MTUS2: variants seen among roughly 807,000 people sequenced by gnomAD.
MTUS2 encodes the protein microtubule-associated tumor suppressor candidate 2.
In MTUS2, 40 loss-of-function variants were observed where a neutral mutation model predicts 114.1. That is an observed-to-expected ratio of 0.35 (90% CI 0.27 to 0.46). The LOEUF (loss-of-function observed/expected upper bound fraction) is 0.46, where lower values mean the gene tolerates loss of function less well. MTUS2 is among the 20% of genes least tolerant of loss of function. MTUS2 has a pLI of 1.00. For missense variants in MTUS2, 1,679 were observed against 1,705.4 expected, an observed-to-expected ratio of 0.98 and a Z score of 0.27; for synonymous variants, 688 against 672.0, an observed-to-expected ratio of 1.02 and a Z score of -0.37.
At chr13:29,100,587 G>A (rs546640190) in intron 4 of MTUS2, among the ~76,000 whole-genome samples, 186 bp from the exon 5 acceptor site, 1 of 152,172 alleles carries the variant, frequency 6.6e-6, no homozygotes, top group Non-Finnish European at 1.5e-5. Flanking sequence ...GTTCTCTGAG[G>A]CACCTGACCC....
chr13:29,306,589 A>G (rs1176569931), intron 6 of MTUS2, among the ~76,000 whole-genome samples: 2 of 152,252 alleles, frequency 1.3e-5, no homozygotes, highest in East Asian at 3.8e-4. Flanking sequence ...AAGGCGAATG[A>G]AGGACCTCTT....
intron 4 of MTUS2, among the ~76,000 whole-genome samples, chr13:29,087,134 C>T (rs1889727539): frequency 6.6e-6 from 1 of 152,136 alleles, no homozygotes; most frequent in South Asian, 2.1e-4. Flanking sequence ...ACTTCCAGCA[C>T]TATGTTGAAT....
intron 4 of MTUS2, among the ~76,000 whole-genome samples, chr13:29,054,747 C>G (rs1413818849): frequency 6.6e-6 from 1 of 152,046 alleles, no homozygotes; most frequent in African/African-American, 2.4e-5. Context: ...ATTTTAATTT[C>G]TAGGTACACC....
intron 5 of MTUS2, among the ~76,000 whole-genome samples, chr13:29,111,654 A>G (rs1202590065): frequency 6.6e-6 from 1 of 152,236 alleles, no homozygotes; most frequent in Non-Finnish European, 1.5e-5. Context: ...AACTTTGCCA[A>G]CAGTATGTGC....
chr13:29,281,882 T>C lies in MTUS2; in HGVS notation c.2806+17T>C. ...CACCCGCTGGTAAGACTTTGTGCCT[T>C]GGAGAGGCTCCATGGTGGAGTGCCC... On this transcript the variant is annotated intron_variant, in intron 6 of 15. Coordinates refer to ENST00000612955, the MANE Select transcript of MTUS2 (RefSeq NM_001033602.4). 6.4e-7 allele frequency: 1 copy of C among 1,565,418 alleles called. No individual in the cohort carries two copies. The highest frequency in any genetic ancestry group is 1.2e-5 in the South Asian group (1 of 85,174).
chr13:28,877,157 T>C (rs1159393017), intron 2 of MTUS2, among the ~76,000 whole-genome samples: 1 of 139,716 alleles, frequency 7.2e-6, no homozygotes, highest in African/African-American at 2.7e-5. Flanking sequence ...AACAAAAAAA[T>C]ACAAAAAAAA....
At chr13:28,901,591 G>C (rs1266904112) in intron 2 of MTUS2, among the ~76,000 whole-genome samples, 3 of 152,178 alleles carry the variant, frequency 2.0e-5, no homozygotes, top group Non-Finnish European at 4.4e-5. Context: ...ATACACAACA[G>C]CTCCAGCACT....
At chr13:29,132,127 C>T (rs1190302022) in intron 5 of MTUS2, among the ~76,000 whole-genome samples, 2 of 152,192 alleles carry the variant, frequency 1.3e-5, no homozygotes, top group African/African-American at 4.8e-5. Context: ...ATACTTGTGT[C>T]TGTGTGAGTG....
chr13:29,353,726 T>A (rs1024464970), intron 7 of MTUS2, among the ~76,000 whole-genome samples: 11 of 152,318 alleles, frequency 7.2e-5, no homozygotes, highest in African/African-American at 2.6e-4. Flanking sequence ...CTGGCTAATT[T>A]TTCTACACTA....
chr13:29,251,849 G>A (rs150930959), intron 5 of MTUS2, among the ~76,000 whole-genome samples: 1 of 152,234 alleles, frequency 6.6e-6, no homozygotes, highest in African/African-American at 2.4e-5. Flanking sequence ...ATGGACATTT[G>A]GGTTGTTTCC....
At chr13:29,101,207 C>T (rs2138823133) in intron 5 of MTUS2, among the ~76,000 whole-genome samples, 1 of 152,096 alleles carries the variant, frequency 6.6e-6, no homozygotes, top group East Asian at 1.9e-4. Flanking sequence ...TAGAAAATGA[C>T]TTATCCAGAG....
intron 2 of MTUS2, among the ~76,000 whole-genome samples, chr13:29,010,975 G>A (rs1885814818): frequency 6.6e-6 from 1 of 152,074 alleles, no homozygotes; most frequent in Non-Finnish European, 1.5e-5. Flanking sequence ...AGGACCACCT[G>A]CCAGAGAGGA....
chr13:28,995,711 G>T (rs544317348), intron 2 of MTUS2, among the ~76,000 whole-genome samples: 1 of 152,240 alleles, frequency 6.6e-6, no homozygotes, highest in South Asian at 2.1e-4. Flanking sequence ...TGTTTTTGGT[G>T]TATAAGAATG....
At chr13:29,322,759 C>T (rs752010079) in intron 6 of MTUS2, among the ~76,000 whole-genome samples, 7 of 152,096 alleles carry the variant, frequency 4.6e-5, no homozygotes, top group Non-Finnish European at 7.4e-5. Context: ...ATATTCTGTG[C>T]AGAGGAACTC....
rs112460645 is a variant in MTUS2, at chr13:29,479,696, C to T, written c.3185-454C>T. ...TGTGCAGCTCTCAAGTCTTGATGGA[C>T]GTAAGAGTCACCCAGGGGTTTTGCT... On this transcript the variant is annotated intron_variant, in intron 9 of 15. Transcript: ENST00000612955. 6.7e-3 allele frequency among the ~76,000 whole-genome samples: 1,022 copies of T among 152,322 alleles called. 10 individuals are homozygous for T. Among genetic ancestry groups the T allele is most frequent in the African/African-American group, 0.023 (945 of 41,558 alleles).
At chr13:29,462,553 T>G (rs1010741967) in intron 9 of MTUS2, among the ~76,000 whole-genome samples, 3 of 151,836 alleles carry the variant, frequency 2.0e-5, no homozygotes, top group Non-Finnish European at 4.4e-5. Context: ...AAATTCCAGA[T>G]GTAGTGAAAA....
intron 2 of MTUS2, among the ~76,000 whole-genome samples, chr13:28,957,636 A>G (rs143823846): frequency 3.0e-4 from 45 of 152,296 alleles, no homozygotes; most frequent in African/African-American, 8.7e-4. Flanking sequence ...TGCAAATACT[A>G]TGGCATTTTA....
chr13:29,317,718 G>A lies in MTUS2; in HGVS notation c.2807-6895G>A, dbSNP rs1243516618. Among the ~76,000 whole-genome samples, 6 of 147,642 alleles carry A rather than the reference G, an allele frequency of 4.1e-5. 2 individuals are homozygous for A. The highest frequency in any genetic ancestry group is 2.2e-4 in the South Asian group (1 of 4,528). ...CTCCCAAAGTGCTGGGATTACAGGC[G>A]TGAGCCACCGCGCCCGGCCTCTCTC... On this transcript the variant is annotated intron_variant, in intron 6 of 15. Coordinates refer to ENST00000612955, the MANE Select transcript of MTUS2 (RefSeq NM_001033602.4).
intron 4 of MTUS2, among the ~76,000 whole-genome samples, chr13:29,048,753 C>T (rs1250170402): frequency 2.0e-5 from 3 of 152,134 alleles, no homozygotes; most frequent in African/African-American, 7.2e-5. Context: ...TACAGGCACA[C>T]ACCCCTGCAC....
Sources: gnomAD v4.1 joint callset for allele counts (sites outside exome capture counted in the v4.1 genomes callset) on GRCh38, gnomAD v4.1.1 for gene constraint, MANE v1.5 for transcripts, NCBI Gene and HGNC (gene_info 2026-07-23, HGNC 2026-07-21) for gene names.